Variants in RALGAPA2 observed in about 807,000 individuals in gnomAD.
RALGAPA2 encodes ral GTPase-activating protein subunit alpha-2.
RALGAPA2 carries 139 observed loss-of-function variants against 230.4 expected under a neutral mutation model. That is an observed-to-expected ratio of 0.60 (90% CI 0.53 to 0.69). The LOEUF (loss-of-function observed/expected upper bound fraction) is 0.69. Ranked by LOEUF, RALGAPA2 falls within the 30% of genes least tolerant of loss-of-function variation. The probability of loss-of-function intolerance (pLI) is 0.00; values close to 1 mark genes in which losing one functional copy is unlikely to be tolerated. For missense variants in RALGAPA2, 2,163 were observed against 2,276.0 expected (o/e 0.95, Z 1.01); for synonymous variants, 847 against 837.8 (o/e 1.01, Z -0.19).
At position 20,503,366 on chromosome 20, in the gene RALGAPA2, A is replaced by G; in HGVS notation, c.5193T>C (p.Asp1731=). Residue 1731 remains aspartate (D), a synonymous_variant, in exon 35 of 40, where the codon GAT becomes GAC. Transcript: ENST00000202677. The part of the protein sequence containing the change: ...VSTRMPSDSD[D]SLTKKLRHLG... ...GACCCCTTACCTTTTTGGTGAGGGA[A>G]TCATCTGAGTCTGACGGCATTCGAG... 2 of 1,593,138 alleles carry G rather than the reference A, an allele frequency of 1.3e-6. No individual in the cohort carries two copies. The highest frequency in any genetic ancestry group is 1.7e-6 in the Non-Finnish European group (2 of 1,167,056).
chr20:20,690,561 C>T (rs555048308), intron 1 of RALGAPA2, among the ~76,000 whole-genome samples: 2 of 152,214 alleles, frequency 1.3e-5, no homozygotes, highest in Admixed American at 1.3e-4. Context: ...CTAGCTTCCT[C>T]ACCCTACCCT....
intron 36 of RALGAPA2, among the ~76,000 whole-genome samples, chr20:20,482,869 T>C (rs957117290): frequency 1.9e-4 from 29 of 152,212 alleles, no homozygotes; most frequent in Non-Finnish European, 1.3e-4. Flanking sequence ...GGAAGCCAGA[T>C]GATATGGGAC....
At chr20:20,536,535 T>C (rs1167797551) in intron 25 of RALGAPA2, 121 bp downstream of exon 25, 1 of 1,162,516 alleles carries the variant, frequency 8.6e-7, no homozygotes, top group Non-Finnish European at 1.2e-6. Context: ...ACTGAAACAT[T>C]TAAAAGATAC....
intron 1 of RALGAPA2, among the ~76,000 whole-genome samples, chr20:20,706,668 G>C (rs2069620750): frequency 6.6e-6 from 1 of 152,150 alleles, no homozygotes; most frequent in Non-Finnish European, 1.5e-5. Context: ...CAATATCACA[G>C]CAACATTTCT....
intron 24 of RALGAPA2, among the ~76,000 whole-genome samples, chr20:20,542,604 C>T (rs780182372): frequency 6.6e-5 from 10 of 152,128 alleles, no homozygotes; most frequent in Non-Finnish European, 1.5e-4. Flanking sequence ...GAAATAACAT[C>T]ACACATCAAC....
At chr20:20,684,284 A>G (rs959307051) in intron 1 of RALGAPA2, among the ~76,000 whole-genome samples, 2 of 152,148 alleles carry the variant, frequency 1.3e-5, no homozygotes, top group Non-Finnish European at 1.5e-5. Context: ...TTTCTCTAGC[A>G]TGGAGGAGGT....
chr20:20,429,827 C>T (rs1353525000), intron 37 of RALGAPA2, among the ~76,000 whole-genome samples: 1 of 152,200 alleles, frequency 6.6e-6, no homozygotes, highest in African/African-American at 2.4e-5. Context: ...TCTTTCATTG[C>T]TATCTTCCAA....
At position 20,629,564 on chromosome 20, in the gene RALGAPA2, C is replaced by G. The variant is rs2066604905; in HGVS notation, c.1032G>C (p.Glu344Asp). Residue 344 changes from glutamate to aspartate, a missense_variant, in exon 10 of 40, where the codon GAG becomes GAC. Glu to Asp is a conservative substitution (Grantham distance 45). Transcript: ENST00000202677. ...IQTVGGGAVQ[E>D]RAPELDGGGP... ...CACCACCATCCAGCTCAGGCGCTCT[C>G]TCCTGCACAGCACCACCACCAACAG... The G allele has an allele frequency of 1.9e-6, 3 of 1,613,462 alleles. No homozygotes were observed. In the African/African-American group the frequency reaches 4.0e-5, roughly 22 times the overall value.
At chr20:20,414,574 T>TCTTGTCATAAGCTTGTC (rs2060129860) in intron 37 of RALGAPA2, among the ~76,000 whole-genome samples, 6 of 152,030 alleles carry the variant, frequency 3.9e-5, no homozygotes, top group Admixed American at 3.9e-4. Flanking sequence ...ATAAGCTTGT[T>TCTTGTCATAAGCTTGTC]CTTGTCATAA....
In RALGAPA2 at chr20:20,412,088, T is replaced by C. The variant is rs2060073473; in HGVS notation, c.5556A>G (p.Thr1852=). 1 of 1,613,984 alleles carries C rather than the reference T, an allele frequency of 6.2e-7. No homozygotes were observed. The highest frequency in any genetic ancestry group is 2.2e-5 in the East Asian group (1 of 44,884). Residue 1852 remains threonine, a synonymous_variant, in exon 38 of 40, where the codon ACA becomes ACG. Transcript: ENST00000202677. Reference sequence around the variant, plus strand: ...AGACTTGGGCTGCGAAATCCTCGAATGTCATTACTTCGCGGTGGTTCTGAA... The same window carrying C: ...AGACTTGGGCTGCGAAATCCTCGAACGTCATTACTTCGCGGTGGTTCTGAA... ...AIIQNHREVM[T]FEDFAAQVFS... is the part of the protein sequence containing the mutation.
At chr20:20,703,813 C>T (rs1370994888) in intron 1 of RALGAPA2, among the ~76,000 whole-genome samples, 1 of 152,158 alleles carries the variant, frequency 6.6e-6, no homozygotes, top group African/African-American at 2.4e-5. Context: ...ATGGCGGGTT[C>T]CTATGTCCCA....
intron 1 of RALGAPA2, among the ~76,000 whole-genome samples, chr20:20,682,862 AT>A (rs2068569255): frequency 6.6e-6 from 1 of 152,188 alleles, no homozygotes; most frequent in Admixed American, 6.5e-5. Context: ...CCTTGGGGCA[AT>A]CAAAAGACAA....
chr20:20,394,889 CAAAA>C (rs10673778), intron 39 of RALGAPA2, among the ~76,000 whole-genome samples: 4 of 44,648 alleles, frequency 9.0e-5, no homozygotes, highest in Non-Finnish European at 1.2e-4. Flanking sequence ...AATAAATAAG[CAAAA>C]AAAAAAAAAA....
chr20:20,487,604 G>A (rs935138388), intron 36 of RALGAPA2, among the ~76,000 whole-genome samples: 1 of 152,150 alleles, frequency 6.6e-6, no homozygotes, highest in African/African-American at 2.4e-5. Context: ...GGCCAGACAG[G>A]CTGTGTGAAA....
intron 37 of RALGAPA2, among the ~76,000 whole-genome samples, chr20:20,449,598 T>C (rs538597677): frequency 1.9e-4 from 29 of 152,300 alleles, no homozygotes; most frequent in African/African-American, 7.0e-4. Flanking sequence ...TACTTTCCCC[T>C]GTCACTAATT....
At chr20:20,459,504 G>A (rs989777440) in intron 37 of RALGAPA2, among the ~76,000 whole-genome samples, 7 of 150,882 alleles carry the variant, frequency 4.6e-5, no homozygotes, top group African/African-American at 1.2e-4. Context: ...GTAGTGGGTT[G>A]GAGGCAGGTG....
At chr20:20,646,356 C>T (rs2067215303) in intron 4 of RALGAPA2, among the ~76,000 whole-genome samples, 1 of 152,156 alleles carries the variant, frequency 6.6e-6, no homozygotes, top group African/African-American at 2.4e-5. Context: ...CTTAAGTTCA[C>T]AAAGATATTT....
chr20:20,561,894 C>T (rs78398252), intron 23 of RALGAPA2, among the ~76,000 whole-genome samples: 10,325 of 152,268 alleles, frequency 0.068, 463 homozygotes, highest in Middle Eastern at 0.095. Context: ...TATTTAACAA[C>T]ATCCCTGGCT....
chr20:20,516,503 C>G (rs902204359), intron 31 of RALGAPA2, among the ~76,000 whole-genome samples: 1 of 152,228 alleles, frequency 6.6e-6, no homozygotes, highest in African/African-American at 2.4e-5. Flanking sequence ...GCTATCACCA[C>G]TGCCTATAAT....
Sources: gnomAD v4.1 joint callset for allele counts (sites outside exome capture counted in the v4.1 genomes callset) on GRCh38, gnomAD v4.1.1 for gene constraint, MANE v1.5 for transcripts, NCBI Gene and HGNC (gene_info 2026-07-23, HGNC 2026-07-21) for gene names.